Variants in MTA3 observed in about 807,000 individuals in gnomAD.
The protein encoded by MTA3 is metastasis-associated protein MTA3.
MTA3 carries 34 observed loss-of-function variants against 83.5 expected under a neutral mutation model. That is an observed-to-expected ratio of 0.41 (90% CI 0.31 to 0.54). MTA3 has a LOEUF of 0.54. Ranked by LOEUF, MTA3 falls within the 20% of genes least tolerant of loss-of-function variation. The probability of loss-of-function intolerance (pLI) is 0.33; values close to 1 mark genes in which losing one functional copy is unlikely to be tolerated. For synonymous variants in MTA3, 303 were observed against 252.7 expected, an observed-to-expected ratio of 1.20 and a Z score of -1.89; for missense variants, 761 against 726.4, an observed-to-expected ratio of 1.05 and a Z score of -0.55.
intron 2 of MTA3, among the ~76,000 whole-genome samples, chr2:42,513,592 G>A (rs1236074860): frequency 6.6e-6 from 1 of 152,180 alleles, no homozygotes. Context: ...GGCTTATCAA[G>A]ACCCTCAGAA....
intron 8 of MTA3, among the ~76,000 whole-genome samples, chr2:42,668,607 C>T (rs1690509899): frequency 6.6e-6 from 1 of 152,272 alleles, no homozygotes; most frequent in South Asian, 2.1e-4. Flanking sequence ...GTCTTTTTCA[C>T]CCATAATCTT....
intron 15 of MTA3, among the ~76,000 whole-genome samples, chr2:42,720,766 AG>A (rs1413313991): frequency 1.3e-5 from 2 of 151,846 alleles, no homozygotes; most frequent in Non-Finnish European, 1.5e-5. Context: ...TGGGTAACAT[AG>A]CAAAACCCTG....
intron 16 of MTA3, among the ~76,000 whole-genome samples, chr2:42,751,151 A>T (rs912262649): frequency 6.6e-6 from 1 of 152,194 alleles, no homozygotes; most frequent in African/African-American, 2.4e-5. Context: ...AGCTGGCTGG[A>T]TTGCTTTCAT....
In MTA3 at chr2:42,745,824, C is replaced by CTTTTTTTTTTTTTTTTT. The variant is rs146921280; in HGVS notation, c.1760-7542_1760-7541insTTTTTTTTTTTTTTTTT. Among the ~76,000 whole-genome samples, 148 of 119,368 alleles carry CTTTTTTTTTTTTTTTTT rather than the reference C, an allele frequency of 1.2e-3. 18 individuals are homozygous for CTTTTTTTTTTTTTTTTT. The highest frequency in any genetic ancestry group is 4.0e-3 in the African/African-American group (124 of 30,974). 78.3% of individuals were successfully genotyped at this position (119,368 alleles called of 152,430 possible). A position where few individuals can be genotyped will look rare whatever the true frequency, so the allele number is the denominator to read the frequency against. On this transcript the variant is annotated intron_variant, in intron 16 of 16. Transcript: ENST00000405094. ...TTTTATGTCCTTTTGAAATAGTCCT[C>CTTTTTTTTTTTTTTTTT]TTTTTTTTGAGACAGAGTCTCGCTC...
At chr2:42,528,230 T>C (rs1675806753) in intron 2 of MTA3, among the ~76,000 whole-genome samples, 1 of 141,766 alleles carries the variant, frequency 7.1e-6, no homozygotes, top group Non-Finnish European at 1.5e-5. Context: ...CGGCCCCCTT[T>C]TTTTTTTGGA....
intron 3 of MTA3, among the ~76,000 whole-genome samples, chr2:42,597,373 A>G (rs909873884): frequency 1.1e-5 from 1 of 93,810 alleles, no homozygotes; most frequent in African/African-American, 4.5e-5. Context: ...CCGACAAGTT[A>G]TCTTTTTTTT....
intron 8 of MTA3, among the ~76,000 whole-genome samples, chr2:42,667,332 C>G (rs192932438): frequency 6.6e-6 from 1 of 152,198 alleles, no homozygotes. Context: ...TTGTTGGTAA[C>G]TATTACCACC....
intron 2 of MTA3, chr2:42,533,520 CTTTTTTTTTT>C (rs763768263): frequency 7.8e-6 from 1 of 128,604 alleles, no homozygotes; most frequent in African/African-American, 2.9e-5. Flanking sequence ...CTTTTCTTTT[CTTTTTTTTTT>C]TTTTTAGGAA....
Position 42,501,357 on chromosome 2 carries a change from G to A in MTA3, c.-141+6103G>A, listed in dbSNP as rs191729052. Among the ~76,000 whole-genome samples the A allele has an allele frequency of 4.2e-3, 646 of 152,232 alleles. 7 individuals are homozygous for A. Among genetic ancestry groups the A allele is most frequent in the African/African-American group, 0.015 (617 of 41,534 alleles). On this transcript the variant is annotated intron_variant, in intron 2 of 17. Transcript: ENST00000405592. ...TTCTTCCTTTCCTAGTAGAGAAGAG[G>A]AGGGCATAATTTTTTTCTTATGTCT...
intron 2 of MTA3, among the ~76,000 whole-genome samples, chr2:42,538,015 G>A (rs1289786924): frequency 1.3e-5 from 2 of 151,126 alleles, no homozygotes; most frequent in Admixed American, 6.6e-5. Context: ...GGCAGATCAC[G>A]AGGTCAGGAG....
chr2:42,531,676 C>T (rs1675977122), intron 2 of MTA3, among the ~76,000 whole-genome samples: 1 of 151,362 alleles, frequency 6.6e-6, no homozygotes. Flanking sequence ...TGGTCTCAAA[C>T]TCCTGACCTT....
intron 3 of MTA3, among the ~76,000 whole-genome samples, chr2:42,594,691 C>CATATATAAATATACATATATATAT (rs1681485238): frequency 2.4e-5 from 2 of 83,832 alleles, no homozygotes; most frequent in Non-Finnish European, 4.5e-5. Flanking sequence ...TACATATATA[C>CATATATAAATATACATATATATAT]ATATATAAAT....
intron 14 of MTA3, among the ~76,000 whole-genome samples, chr2:42,709,799 T>C (rs1326345490): frequency 6.6e-6 from 1 of 152,242 alleles, no homozygotes; most frequent in Non-Finnish European, 1.5e-5. Context: ...TTCATGATCA[T>C]GTATCATATA....
In MTA3 at chr2:42,568,645, A is replaced by AGCGACGGCG; in HGVS notation, c.-97_-89dup. The AGCGACGGCG allele has an allele frequency of 3.6e-6, 2 of 548,140 alleles. No homozygotes were observed. Among genetic ancestry groups the AGCGACGGCG allele is most frequent in the Non-Finnish European group, 4.6e-6 (2 of 430,676 alleles). 34.0% of individuals were successfully genotyped at this position (548,140 alleles called of 1,614,324 possible). A position where few individuals can be genotyped will look rare whatever the true frequency, so the allele number is the denominator to read the frequency against. On this transcript the variant is annotated 5_prime_UTR_variant, in exon 1 of 17. Coordinates refer to ENST00000405094, the MANE Select transcript of MTA3 (RefSeq NM_001330442.2). ...CCCTTCCCCCCCGTGGCGAGGCAGC[A>AGCGACGGCG]GCGACGGCGGCGGCGGCAGCGGCGG... is the stretch of plus-strand genomic sequence containing the variant.
At chr2:42,494,969 C>G (rs948002707) in exon 1 of MTA3, 1 of 152,456 alleles carries the variant, frequency 6.6e-6, no homozygotes, top group Non-Finnish European at 1.5e-5. Flanking sequence ...TCACCTGACA[C>G]CCGACACCGG....
chr2:42,572,095 G>C (rs1448828661), intron 2 of MTA3, among the ~76,000 whole-genome samples: 3 of 152,014 alleles, frequency 2.0e-5, no homozygotes, highest in Admixed American at 2.0e-4. Flanking sequence ...GGCTAACATA[G>C]TGAAACCCCG....
Position 42,753,347 on chromosome 2 carries a change from C to G in MTA3, c.1760-27C>G, listed in dbSNP as rs549390657. 1.9e-6 allele frequency: 3 copies of G among 1,550,484 alleles called. No individual in the cohort carries two copies. The East Asian group carries it at 7.3e-5, about 38-fold the overall frequency. On this transcript the variant is annotated intron_variant, in intron 16 of 16. Transcript: ENST00000405094. Reference sequence around the variant, plus strand: ...CCTCCACCATCGGGACTTGTTTAACCTTCACACTGTTACTTCCCTTTTCTA... The same window carrying G: ...CCTCCACCATCGGGACTTGTTTAACGTTCACACTGTTACTTCCCTTTTCTA...
chr2:42,629,184 A>C (rs6544578), intron 4 of MTA3, among the ~76,000 whole-genome samples: 112,482 of 151,912 alleles, frequency 0.74, 41,864 homozygotes, highest in South Asian at 0.88. Flanking sequence ...GGTTCAAGCA[A>C]TTCTCCTGCC....
chr2:42,528,117 G>C (rs983130687), intron 2 of MTA3, among the ~76,000 whole-genome samples: 1 of 152,094 alleles, frequency 6.6e-6, no homozygotes, highest in East Asian at 1.9e-4. Flanking sequence ...AGTAGAGACA[G>C]GGTTTCACCG....
Sources: allele counts gnomAD v4.1 joint callset (sites outside exome capture counted in the v4.1 genomes callset), GRCh38; gene constraint gnomAD v4.1.1; transcripts MANE v1.5; gene names NCBI Gene and HGNC (gene_info 2026-07-23, HGNC 2026-07-21).